Variants in HMCN1 observed in about 807,000 individuals in gnomAD.
The protein encoded by HMCN1 is hemicentin 1.
A neutral mutation model predicts 625.9 loss-of-function variants in HMCN1; 321 were observed. The ratio of observed to expected loss-of-function variants is 0.51; its 90% CI spans 0.47 to 0.56. The LOEUF (loss-of-function observed/expected upper bound fraction) is 0.56. Ranked by LOEUF, HMCN1 falls within the 20% of genes least tolerant of loss-of-function variation. HMCN1 has a pLI of 0.00. For missense variants in HMCN1, 6,588 were observed against 6,887.3 expected (o/e 0.96, Z 1.54); for synonymous variants, 2,425 against 2,417.6 (o/e 1.00, Z -0.09).
chr1:185,826,675 T>A (rs115338928), intron 1 of HMCN1, among the ~76,000 whole-genome samples: 1 of 152,172 alleles, frequency 6.6e-6, no homozygotes, highest in Admixed American at 6.5e-5. Context: ...CCAGTCTTCA[T>A]TGCAGTAGAG....
At chr1:185,757,881 T>G (rs957734852) in intron 1 of HMCN1, among the ~76,000 whole-genome samples, 5 of 152,188 alleles carry the variant, frequency 3.3e-5, no homozygotes, top group Admixed American at 2.0e-4. Flanking sequence ...TACTGTATTG[T>G]CATGTTCCTT....
At chr1:185,773,081 C>T (rs565878166) in intron 1 of HMCN1, among the ~76,000 whole-genome samples, 14 of 152,240 alleles carry the variant, frequency 9.2e-5, no homozygotes, top group African/African-American at 3.1e-4. Context: ...AGCAATGACC[C>T]TCATTTATAT....
chr1:185,964,152 A>G (rs538079593), intron 13 of HMCN1, among the ~76,000 whole-genome samples: 1 of 152,238 alleles, frequency 6.6e-6, no homozygotes, highest in South Asian at 2.1e-4. Context: ...ACAAAGTTCT[A>G]TCTTTCCACT....
At chr1:185,841,572 T>C (rs958972167) in intron 1 of HMCN1, among the ~76,000 whole-genome samples, 3 of 152,302 alleles carry the variant, frequency 2.0e-5, no homozygotes, top group Admixed American at 6.5e-5. Context: ...TTCCTCCTCC[T>C]TCCTCCTATA....
intron 11 of HMCN1, among the ~76,000 whole-genome samples, chr1:185,960,124 C>CTTTTT (rs1167408279): frequency 2.8e-4 from 30 of 108,886 alleles, no homozygotes; most frequent in Non-Finnish European, 3.6e-4. Context: ...CAGGAATATT[C>CTTTTT]TTTTTTTTTT....
At chr1:186,007,093 A>G (rs1296551805) in intron 29 of HMCN1, 35 bp from the exon 30 acceptor site, 2 of 1,545,926 alleles carry the variant, frequency 1.3e-6, no homozygotes, top group East Asian at 4.5e-5. Context: ...AAAAACTGAA[A>G]ATAGACCCAT....
chr1:185,859,381 A>T (rs1322905959), intron 2 of HMCN1, among the ~76,000 whole-genome samples: 3 of 152,172 alleles, frequency 2.0e-5, no homozygotes, highest in Non-Finnish European at 4.4e-5. Context: ...GCTGTCCAAC[A>T]AATAATGTGA....
chr1:186,021,641 A>G (rs1654729105), intron 35 of HMCN1, among the ~76,000 whole-genome samples: 1 of 152,060 alleles, frequency 6.6e-6, no homozygotes, highest in African/African-American at 2.4e-5. Context: ...TAACAGTATG[A>G]ATGGAGAATA....
At chr1:185,898,579 C>A (rs1321308583) in intron 4 of HMCN1, among the ~76,000 whole-genome samples, 2 of 152,014 alleles carry the variant, frequency 1.3e-5, no homozygotes, top group Non-Finnish European at 2.9e-5. Flanking sequence ...TCTCAATGAA[C>A]CCTGGTCCTA....
chr1:186,094,317 G>C lies in HMCN1; in HGVS notation c.10238G>C (p.Cys3413Ser), dbSNP rs1437535842. 1.2e-6 allele frequency: 2 copies of C among 1,613,380 alleles called. No individual in the cohort carries two copies. Among genetic ancestry groups the C allele is most frequent in the East Asian group, 2.2e-5 (1 of 44,838 alleles). Residue 3413 changes from cysteine to serine, a missense_variant, in exon 67 of 107, where the codon TGT becomes TCT. Cys to Ser is a moderately radical substitution (Grantham distance 112, BLOSUM62 -1). Coordinates refer to ENST00000271588, the MANE Select transcript of HMCN1 (RefSeq NM_031935.3). ...GTGTCTGATGTCGCTGTGTATACTT[G>C]TGTGGCCTCCAACAGAGCTGGGGTG... is the stretch of plus-strand genomic sequence containing the variant. ...AQVSDVAVYT[C>S]VASNRAGVDN...
In HMCN1 at chr1:186,137,915, C is replaced by T. The variant is rs574382483; in HGVS notation, c.13867C>T (p.Arg4623Trp). The T allele has an allele frequency of 1.1e-4, 179 of 1,613,964 alleles. 2 individuals carry two copies. The South Asian group carries it at 1.7e-3, about 16-fold the overall frequency. ...TAATCCATCAGTTCAGCATGGTGGG[C>T]GGCCATGTGAAGGGAATGCTGTGGA... ...CNNPSVQHGG[R>W]PCEGNAVEII... The change falls in exon 89 of 107, where the codon CGG (arginine) becomes TGG (tryptophan). Residue 4623 changes from arginine to tryptophan, a missense_variant. Transcript: ENST00000271588.
intron 56 of HMCN1, among the ~76,000 whole-genome samples, chr1:186,081,911 A>T (rs1471551755): frequency 6.6e-6 from 1 of 152,216 alleles, no homozygotes; most frequent in Non-Finnish European, 1.5e-5. Flanking sequence ...TTTTGTTAGG[A>T]TACAATTTGA....
chr1:186,033,529 A>G lies in HMCN1; in HGVS notation c.5750-4405A>G, dbSNP rs540689498. 3.9e-5 allele frequency among the ~76,000 whole-genome samples: 6 copies of G among 152,200 alleles called. No homozygotes were observed. In the South Asian group the frequency reaches 8.3e-4, roughly 21 times the overall value. ...TCTAAATTACTTAATTCCCAAAACA[A>G]TGTGGATGCTATGTAATTAATAGTT... On this transcript the variant is annotated intron_variant, in intron 36 of 106. Coordinates refer to ENST00000271588, the MANE Select transcript of HMCN1 (RefSeq NM_031935.3).
At chr1:186,092,927 T>C (rs1188477728) in intron 64 of HMCN1, among the ~76,000 whole-genome samples, 1 of 152,120 alleles carries the variant, frequency 6.6e-6, no homozygotes, top group Non-Finnish European at 1.5e-5. Context: ...TCTTTGCCTA[T>C]GATTTGAATA....
In HMCN1 at chr1:185,886,591, GT is replaced by G. The variant is rs879394487; in HGVS notation, c.621+20739del. Among the ~76,000 whole-genome samples, 1,201 of 144,508 alleles carry G rather than the reference GT, an allele frequency of 8.3e-3. 13 individuals carry two copies. Among genetic ancestry groups the G allele is most frequent in the African/African-American group, 0.026 (1,043 of 39,740 alleles). The allele number at this position is 144,508 out of a possible 152,430, so 94.8% of individuals were successfully genotyped here. ...TTTAATGCAAAAGAAAAAGCATGTAGTTTTTTTTTTTAGAAAATTGTGTTTA... is the reference window on the plus strand; with the variant it reads ...TTTAATGCAAAAGAAAAAGCATGTAGTTTTTTTTTTAGAAAATTGTGTTTA... On this transcript the variant is annotated intron_variant, in intron 4 of 106. Transcript: ENST00000271588.
intron 1 of HMCN1, among the ~76,000 whole-genome samples, chr1:185,820,489 C>T (rs1660119947): frequency 6.6e-6 from 1 of 152,116 alleles, no homozygotes; most frequent in African/African-American, 2.4e-5. Context: ...ATCAATCAAT[C>T]TTGCTCAAAC....
At chr1:185,762,603 A>G (rs547095176) in intron 1 of HMCN1, among the ~76,000 whole-genome samples, 26 of 152,276 alleles carry the variant, frequency 1.7e-4, no homozygotes, top group African/African-American at 6.0e-4. Context: ...TACCCATCTT[A>G]GTGATAAAGT....
At chr1:186,103,762 A>T in intron 69 of HMCN1, 94 bp downstream of exon 69, 1 of 1,030,818 alleles carries the variant, frequency 9.7e-7, no homozygotes, top group Non-Finnish European at 1.5e-6. Context: ...TTGAATCCTT[A>T]TATATCACAG....
intron 1 of HMCN1, among the ~76,000 whole-genome samples, chr1:185,801,599 G>A (rs981339365): frequency 1.3e-5 from 2 of 152,214 alleles, no homozygotes; most frequent in African/African-American, 4.8e-5. Flanking sequence ...ATGCGACTTA[G>A]AGAGTATGAA....
Sources: allele counts gnomAD v4.1 joint callset (sites outside exome capture counted in the v4.1 genomes callset), GRCh38; gene constraint gnomAD v4.1.1; transcripts MANE v1.5; gene names NCBI Gene and HGNC (gene_info 2026-07-23, HGNC 2026-07-21).